Variants in ZNF44 observed in about 807,000 individuals in gnomAD.
ZNF44 encodes zinc finger protein 44.
In ZNF44, 9 loss-of-function variants were observed where a neutral mutation model predicts 11.7. The observed-to-expected ratio is 0.77, with a 90% CI of 0.46 to 1.35. ZNF44 has a LOEUF of 1.35. Ranked by LOEUF, ZNF44 falls within the 40% of genes most tolerant of loss-of-function variation. The pLI is 0.00. For synonymous variants in ZNF44, 224 were observed against 242.7 expected (o/e 0.92, Z 0.72); for missense variants, 696 against 743.1 (o/e 0.94, Z 0.74).
intron 1 of ZNF44, chr19:12,291,166 A>T: frequency 2.4e-6 from 1 of 421,562 alleles, no homozygotes; most frequent in Non-Finnish European, 4.6e-6. Flanking sequence ...TAGCTATTGC[A>T]AAGTCCCACA....
chr19:12,248,089 T>G, exon 8 of ZNF44: 3 of 1,314,014 alleles, frequency 2.3e-6, no homozygotes, highest in Non-Finnish European at 3.0e-6. Context: ...GATATGTAGG[T>G]TTTTCCACAT....
upstream of ZNF44, among the ~76,000 whole-genome samples, chr19:12,241,767 A>G (rs1916623441): frequency 6.6e-6 from 1 of 152,096 alleles, no homozygotes; most frequent in African/African-American, 2.4e-5. Context: ...AGAGTAGTCA[A>G]AAGAGTTTTG....
At chr19:12,250,647 T>A (rs1043142262) in intron 5 of ZNF44, 15 of 395,500 alleles carry the variant, frequency 3.8e-5, no homozygotes, top group Non-Finnish European at 7.6e-5. Context: ...TACAAAAAAA[T>A]TCCATTTTAA....
intron 3 of ZNF44, among the ~76,000 whole-genome samples, chr19:12,227,589 A>G (rs1915973192): frequency 6.6e-6 from 1 of 152,230 alleles, no homozygotes; most frequent in African/African-American, 2.4e-5. Context: ...CTGGGCAACA[A>G]AAGTGAAAAT....
intron 1 of ZNF44, among the ~76,000 whole-genome samples, chr19:12,293,634 G>A (rs1258007178): frequency 6.6e-6 from 1 of 152,138 alleles, no homozygotes. Flanking sequence ...TGCTGACAAA[G>A]GGTTCATAAC....
Position 12,247,845 on chromosome 19 carries a change from C to T in ZNF44, c.*1020G>A, listed in dbSNP as rs758505289. The T allele has an allele frequency of 1.5e-5, 19 of 1,302,848 alleles. No homozygotes were observed. The Admixed American group carries it at 3.9e-4, about 26-fold the overall frequency. The allele number at this position is 1,302,848 out of a possible 1,614,324, so 80.7% of individuals were successfully genotyped here. On this transcript the variant is annotated 3_prime_UTR_variant and NMD_transcript_variant, in exon 8 of 8. Coordinates refer to the ZNF44 transcript ENST00000393337. Reference sequence around the variant, plus strand: ...TAAAGGAGACAAGTAAGTTTTCCCACACAGTTTACATTCATAGTGTTTCTG... The same window carrying T: ...TAAAGGAGACAAGTAAGTTTTCCCATACAGTTTACATTCATAGTGTTTCTG...
chr19:12,244,982 C>CT (rs1275305517), downstream of ZNF44, among the ~76,000 whole-genome samples: 2 of 152,148 alleles, frequency 1.3e-5, no homozygotes, highest in African/African-American at 4.8e-5. Flanking sequence ...CTTTACATGC[C>CT]ACTCTTTGAC....
At chr19:12,228,014 A>C (rs1355114312) in intron 3 of ZNF44, among the ~76,000 whole-genome samples, 1 of 152,198 alleles carries the variant, frequency 6.6e-6, no homozygotes, top group Non-Finnish European at 1.5e-5. Context: ...GTTAAAAAGC[A>C]GGTTAGTGCT....
chr19:12,255,014 G>A (rs1398873503), intron 5 of ZNF44, among the ~76,000 whole-genome samples: 1 of 152,018 alleles, frequency 6.6e-6, no homozygotes, highest in Non-Finnish European at 1.5e-5. Flanking sequence ...ACTTGAACCT[G>A]GGAGGCAGAG....
chr19:12,269,200 A>T (rs1460036652), downstream of ZNF44, among the ~76,000 whole-genome samples: 1 of 152,196 alleles, frequency 6.6e-6, no homozygotes. Context: ...TATGTGCATG[A>T]CATGAGAAAA....
chr19:12,233,572 A>C (rs78222512), intron 2 of ZNF44, among the ~76,000 whole-genome samples: 1 of 140,942 alleles, frequency 7.1e-6, no homozygotes, highest in Non-Finnish European at 1.5e-5. Flanking sequence ...AAAAAAAAAA[A>C]CCTGACAATA....
intron 5 of ZNF44, among the ~76,000 whole-genome samples, chr19:12,253,241 G>GT (rs1917099408): frequency 6.9e-6 from 1 of 145,262 alleles, no homozygotes. Flanking sequence ...CCAGGCTGGA[G>GT]TGCAGAGGTG....
intron 5 of ZNF44, among the ~76,000 whole-genome samples, chr19:12,266,579 G>T (rs1161563762): frequency 6.6e-6 from 1 of 152,162 alleles, no homozygotes; most frequent in African/African-American, 2.4e-5. Context: ...AGAGAGGAGA[G>T]GTAAGGCAAG....
At chr19:12,228,430 T>C (rs1044515401) in intron 3 of ZNF44, among the ~76,000 whole-genome samples, 3 of 152,212 alleles carry the variant, frequency 2.0e-5, no homozygotes, top group African/African-American at 7.2e-5. Context: ...CAGCATTTAA[T>C]TCCGTGTGTC....
chr19:12,286,590 T>C (rs1967760882), intron 1 of ZNF44, among the ~76,000 whole-genome samples: 1 of 151,300 alleles, frequency 6.6e-6, no homozygotes, highest in Non-Finnish European at 1.5e-5. Flanking sequence ...TGAGCTGAGA[T>C]TGTGCTACTG....
intron 1 of ZNF44, 104 bp from the exon 2 acceptor site, chr19:12,276,186 T>G (rs747245868): frequency 2.7e-6 from 4 of 1,502,918 alleles, no homozygotes; most frequent in Non-Finnish European, 3.6e-6. Flanking sequence ...TTCCAAGCAT[T>G]TATTCAATGA....
Position 12,273,546 on chromosome 19 carries a change from A to G in ZNF44, c.709T>C (p.Tyr237His). Residue 237 changes from tyrosine to histidine, a missense_variant, in exon 4 of 4, where the codon TAC becomes CAC. Tyr to His is a moderately conservative substitution (Grantham distance 83). Transcript: ENST00000355684. ...TTTTCATGTCTTAGATAGGAACTGT[A>G]AACAGGGAAGGCTTTAGAACACTGC... ...CKQCSKAFPV[Y>H]SSYLRHEKIH... The G allele has an allele frequency of 6.2e-7, 1 of 1,613,964 alleles. No individual in the cohort carries two copies. The highest frequency in any genetic ancestry group is 8.5e-7 in the Non-Finnish European group (1 of 1,180,002).
intron 1 of ZNF44, chr19:12,291,335 T>C: frequency 2.3e-6 from 1 of 426,808 alleles, no homozygotes; most frequent in South Asian, 1.7e-5. Flanking sequence ...AATATATTCA[T>C]TTTTCTGCAG....
rs1201275312 is a variant in ZNF44 at position 12,260,113 on chromosome 19, A to G, written c.1913-9745T>C. The G allele has an allele frequency of 4.4e-6, 3 of 682,706 alleles. No homozygotes were observed. In the African/African-American group the frequency reaches 5.2e-5, roughly 12 times the overall value. 42.3% of individuals were successfully genotyped at this position (682,706 alleles called of 1,614,324 possible). On this transcript the variant is annotated intron_variant and NMD_transcript_variant, in intron 5 of 7. Coordinates refer to the ZNF44 transcript ENST00000393337. Reference sequence around the variant, plus strand: ...ACAGGTCTCAGGCCGCCACTGCGAGAGGAGCCGCCACCATGTCCGCGCATC... The same window carrying G: ...ACAGGTCTCAGGCCGCCACTGCGAGGGGAGCCGCCACCATGTCCGCGCATC...
Sources: gnomAD v4.1 joint callset for allele counts (sites outside exome capture counted in the v4.1 genomes callset) on GRCh38, gnomAD v4.1.1 for gene constraint, MANE v1.5 for transcripts, NCBI Gene and HGNC (gene_info 2026-07-23, HGNC 2026-07-21) for gene names.